ABCG2: variants seen among roughly 807,000 people sequenced by gnomAD.
ABCG2 encodes the protein broad substrate specificity ATP-binding cassette transporter ABCG2.
In ABCG2, 80 loss-of-function variants were observed where a neutral mutation model predicts 73.5. The observed-to-expected ratio is 1.09, with a 90% CI of 0.91 to 1.31. ABCG2 has a LOEUF of 1.31. Among genes scored for constraint, ABCG2 ranks in the 50% most tolerant of loss-of-function variants. ABCG2 has a pLI of 0.00. For synonymous variants in ABCG2, 269 were observed against 282.4 expected (o/e 0.95, Z 0.48); for missense variants, 796 against 786.2 (o/e 1.01, Z -0.15).
At chr4:88,172,356 C>T (rs1015127928) in intron 1 of ABCG2, among the ~76,000 whole-genome samples, 3 of 148,744 alleles carry the variant, frequency 2.0e-5, no homozygotes, top group South Asian at 4.3e-4. Context: ...CTTTGGGAGG[C>T]GGAGCTGGGC....
chr4:88,170,308 C>T (rs186755057), intron 1 of ABCG2, among the ~76,000 whole-genome samples: 1 of 152,178 alleles, frequency 6.6e-6, no homozygotes, highest in African/African-American at 2.4e-5. Context: ...ATTTATTTAC[C>T]TGGATGCTTG....
intron 5 of ABCG2, among the ~76,000 whole-genome samples, chr4:88,128,874 C>A (rs74904971): frequency 0.093 from 14,143 of 152,158 alleles, 967 homozygotes; most frequent in East Asian, 0.31. Flanking sequence ...TACTATGTAA[C>A]AAACCTGCAC....
At chr4:88,158,985 C>G, upstream of ABCG2, 1 of 360,680 alleles carries the variant, frequency 2.8e-6, no homozygotes, top group South Asian at 2.0e-5. Context: ...CCCCGACTGC[C>G]GGGCCGCGAT....
intron 1 of ABCG2, among the ~76,000 whole-genome samples, chr4:88,223,173 A>C (rs1297680909): frequency 6.6e-6 from 1 of 152,176 alleles, no homozygotes; most frequent in Non-Finnish European, 1.5e-5. Context: ...TTCTCAGATA[A>C]GACTTAGGAC....
upstream of ABCG2, among the ~76,000 whole-genome samples, chr4:88,161,800 T>C (rs1325685322): frequency 2.0e-5 from 2 of 98,254 alleles, no homozygotes; most frequent in African/African-American, 8.4e-5. Context: ...AGTGTAAAAG[T>C]GTTCCTATTT....
intron 1 of ABCG2, among the ~76,000 whole-genome samples, chr4:88,149,999 G>A (rs1049115690): frequency 1.3e-5 from 2 of 151,908 alleles, no homozygotes; most frequent in African/African-American, 2.4e-5. Flanking sequence ...ACAGTGCTAC[G>A]GAGAAAAAAA....
chr4:88,145,167 A>C (rs1432977533), intron 1 of ABCG2, among the ~76,000 whole-genome samples: 1 of 152,220 alleles, frequency 6.6e-6, no homozygotes, highest in Non-Finnish European at 1.5e-5. Flanking sequence ...TGCTGCATAA[A>C]TTACATACCT....
At chr4:88,161,870 G>A (rs1334723999), upstream of ABCG2, among the ~76,000 whole-genome samples, 4 of 127,308 alleles carry the variant, frequency 3.1e-5, no homozygotes, top group Non-Finnish European at 4.8e-5. Context: ...CATTCTAACT[G>A]GTGTGAGATG....
intron 1 of ABCG2, among the ~76,000 whole-genome samples, chr4:88,204,172 AGCTCTTTGGGAG>A (rs1250162490): frequency 5.3e-5 from 8 of 152,194 alleles, no homozygotes; most frequent in Admixed American, 5.2e-4. Flanking sequence ...CTGTAATCCC[AGCTCTTTGGGAG>A]GCTGAGGCGG....
intron 9 of ABCG2, among the ~76,000 whole-genome samples, chr4:88,112,905 T>C (rs1401834914): frequency 6.6e-6 from 1 of 151,666 alleles, no homozygotes; most frequent in Non-Finnish European, 1.5e-5. Flanking sequence ...AACCCACGAG[T>C]TCAAGACCAG....
intron 1 of ABCG2, among the ~76,000 whole-genome samples, chr4:88,229,978 C>CATTATTATTATT (rs61485563): frequency 0.19 from 27,554 of 143,446 alleles, 3,160 homozygotes; most frequent in Non-Finnish European, 0.25. Flanking sequence ...TTCTGGCATG[C>CATTATTATTATT]ATTATTATTA....
intron 1 of ABCG2, among the ~76,000 whole-genome samples, chr4:88,227,810 A>G (rs888449559): frequency 2.0e-5 from 3 of 152,248 alleles, no homozygotes; most frequent in African/African-American, 7.2e-5. Flanking sequence ...CAAAGATTGC[A>G]AATTATGACA....
chr4:88,104,433 A>T (rs1464076106), intron 10 of ABCG2, among the ~76,000 whole-genome samples: 1 of 152,210 alleles, frequency 6.6e-6, no homozygotes, highest in East Asian at 1.9e-4. Context: ...TCATCCCAGG[A>T]GGGATTAAAT....
intron 1 of ABCG2, among the ~76,000 whole-genome samples, chr4:88,227,061 C>T (rs1193789221): frequency 1.3e-5 from 2 of 152,186 alleles, no homozygotes; most frequent in African/African-American, 2.4e-5. Flanking sequence ...GTTCATGCCA[C>T]TGCACTCCCG....
intron 1 of ABCG2, among the ~76,000 whole-genome samples, chr4:88,214,139 A>T (rs4693932): frequency 6.6e-6 from 1 of 151,784 alleles, no homozygotes; most frequent in African/African-American, 2.4e-5. Context: ...AGGCGCATAC[A>T]ACCATGCCTG....
chr4:88,104,927 C>T lies in ABCG2; in HGVS notation c.1277+2257G>A, dbSNP rs551940532. Among the ~76,000 whole-genome samples, 5 of 152,334 alleles carry T rather than the reference C, an allele frequency of 3.3e-5. No individual in the cohort carries two copies. In the South Asian group the frequency reaches 1.0e-3, roughly 32 times the overall value. Reference sequence around the variant, plus strand: ...CAGATTTCCAGTCCTCTTCAAAGTTCCAGTTGAGGACCAGGTTACTCCATG... The same window carrying T: ...CAGATTTCCAGTCCTCTTCAAAGTTTCAGTTGAGGACCAGGTTACTCCATG... On this transcript the variant is annotated intron_variant, in intron 10 of 15. Transcript: ENST00000237612.
chr4:88,224,807 G>A (rs1184800746), intron 1 of ABCG2, among the ~76,000 whole-genome samples: 4 of 152,132 alleles, frequency 2.6e-5, no homozygotes, highest in Admixed American at 6.5e-5. Context: ...GTTCCCCTAC[G>A]TTATCTTCTA....
At chr4:88,136,147 C>T (rs1170334853) in intron 2 of ABCG2, among the ~76,000 whole-genome samples, 1 of 152,136 alleles carries the variant, frequency 6.6e-6, no homozygotes, top group African/African-American at 2.4e-5. Flanking sequence ...GTCACCACTG[C>T]TCCCCCAGCT....
chr4:88,160,872 A>AAG, upstream of ABCG2, among the ~76,000 whole-genome samples: 1 of 148,934 alleles, frequency 6.7e-6, no homozygotes, highest in South Asian at 2.1e-4. Flanking sequence ...AAAAAAAAAA[A>AAG]CCTATACATA....
Sources: allele counts gnomAD v4.1 joint callset (sites outside exome capture counted in the v4.1 genomes callset), GRCh38; gene constraint gnomAD v4.1.1; transcripts MANE v1.5; gene names NCBI Gene and HGNC (gene_info 2026-07-23, HGNC 2026-07-21).